Variants in CACNA1D observed in about 807,000 individuals in gnomAD.
CACNA1D encodes voltage-dependent L-type calcium channel subunit alpha-1D.
CACNA1D carries 55 observed loss-of-function variants against 257.1 expected under a neutral mutation model. That is an observed-to-expected ratio of 0.21 (90% CI 0.17 to 0.27). CACNA1D has a LOEUF of 0.27. CACNA1D is among the 10% of genes least tolerant of loss of function. The probability of loss-of-function intolerance (pLI) is 1.00; values close to 1 mark genes in which losing one functional copy is unlikely to be tolerated. For synonymous variants in CACNA1D, 980 were observed against 1,014.9 expected (o/e 0.97, Z 0.65); for missense variants, 1,876 against 2,784.0 (o/e 0.67, Z 7.34).
chr3:53,737,859 G>A (rs921246669), intron 20 of CACNA1D, among the ~76,000 whole-genome samples: 1 of 152,188 alleles, frequency 6.6e-6, no homozygotes, highest in Admixed American at 6.5e-5. Context: ...AGCAAGTCAA[G>A]GGTTTTCTAT....
At chr3:53,537,008 G>A (rs950584008) in intron 3 of CACNA1D, among the ~76,000 whole-genome samples, 1 of 152,138 alleles carries the variant, frequency 6.6e-6, no homozygotes, top group Admixed American at 6.5e-5. Context: ...AGAAAACCAT[G>A]GCTGGTTAGT....
chr3:53,669,361 A>G (rs1167992679), intron 7 of CACNA1D, among the ~76,000 whole-genome samples: 1 of 152,284 alleles, frequency 6.6e-6, no homozygotes, highest in African/African-American at 2.4e-5. Flanking sequence ...TGTACCAGGC[A>G]TATTGCCTCA....
intron 8 of CACNA1D, among the ~76,000 whole-genome samples, chr3:53,698,138 A>T (rs989497261): frequency 2.6e-5 from 4 of 152,258 alleles, no homozygotes; most frequent in African/African-American, 9.6e-5. Flanking sequence ...TAAAAATCAG[A>T]CATTGGAAAT....
At position 53,722,315 on chromosome 3, in the gene CACNA1D, C is replaced by T; in HGVS notation, c.1507C>T (p.Arg503Ter). Reference protein sequence around the residue: ...CQAISKSKLSRRWRRWNRFNR... With the variant: ...CQAISKSKLS ...TAGTAATGTTTGCTTGTCTTTTAGC[C>T]GACGCTGGCGTCGCTGGAACCGATT... Residue 503 changes from arginine (R) to a stop codon, truncating the protein, a stop_gained and splice_region_variant, in exon 12 of 48, where the codon CGA (arginine) becomes TGA (stop). Transcript: ENST00000350061. LOFTEE classifies it high-confidence loss of function. The T allele has an allele frequency of 6.2e-7, 1 of 1,614,068 alleles. No homozygotes were observed.
chr3:53,546,521 A>G (rs1275133724), intron 3 of CACNA1D, among the ~76,000 whole-genome samples: 1 of 152,220 alleles, frequency 6.6e-6, no homozygotes, highest in African/African-American at 2.4e-5. Flanking sequence ...GGTCACAACC[A>G]TAATTTAGCT....
intron 39 of CACNA1D, among the ~76,000 whole-genome samples, chr3:53,785,110 G>A (rs1162585421): frequency 6.6e-6 from 1 of 152,186 alleles, no homozygotes; most frequent in Non-Finnish European, 1.5e-5. Flanking sequence ...TAGAGCCAGA[G>A]CTGATATTCC....
At chr3:53,559,507 T>C (rs1387774324) in intron 3 of CACNA1D, among the ~76,000 whole-genome samples, 1 of 152,210 alleles carries the variant, frequency 6.6e-6, no homozygotes, top group African/African-American at 2.4e-5. Context: ...CTGACCTGAC[T>C]TCTCTGGGCT....
chr3:53,772,879 A>G lies in CACNA1D; in HGVS notation c.4091A>G (p.Tyr1364Cys). ...ALLIAMLFFI[Y>C]AVIGMQMFGK... is the part of the protein sequence containing the mutation. ...CTCATAGCCATGCTGTTCTTCATCT[A>G]TGCGGTCATTGGCATGCAGGTAAGC... Residue 1364 changes from tyrosine to cysteine, a missense_variant, in exon 33 of 48, where the codon TAT (tyrosine) becomes TGT (cysteine). Tyr to Cys is a radical substitution (Grantham distance 194). Around this residue, in one of 10 missense-constraint regions of CACNA1D, gnomAD observed 204 missense variants for 309.4 expected, o/e 0.66. Transcript: ENST00000350061. 6.2e-7 allele frequency: 1 copy of G among 1,613,796 alleles called. No individual in the cohort carries two copies. Among genetic ancestry groups the G allele is most frequent in the Non-Finnish European group, 8.5e-7 (1 of 1,179,934 alleles).
intron 3 of CACNA1D, among the ~76,000 whole-genome samples, chr3:53,643,830 G>A (rs2093990299): frequency 6.6e-6 from 1 of 152,184 alleles, no homozygotes; most frequent in Non-Finnish European, 1.5e-5. Flanking sequence ...TCTTCGCCCT[G>A]AACAGCTTGC....
At chr3:53,545,916 A>G (rs114723759) in intron 3 of CACNA1D, among the ~76,000 whole-genome samples, 624 of 152,208 alleles carry the variant, frequency 4.1e-3, no homozygotes, top group Middle Eastern at 0.01. Flanking sequence ...GCCTTCATGC[A>G]CCCTTCTTAT....
intron 3 of CACNA1D, among the ~76,000 whole-genome samples, chr3:53,530,630 T>C (rs1034460789): frequency 6.6e-6 from 1 of 152,196 alleles, no homozygotes; most frequent in African/African-American, 2.4e-5. Context: ...CCCACTGTTG[T>C]CACCACTTCC....
At chr3:53,735,542 G>T in intron 20 of CACNA1D, 39 bp downstream of exon 20, 1 of 1,610,748 alleles carries the variant, frequency 6.2e-7, no homozygotes, top group Non-Finnish European at 8.5e-7. Context: ...GGATAGCCCT[G>T]GCCTCTCTCG....
chr3:53,572,982 T>C (rs2092974463), intron 3 of CACNA1D, among the ~76,000 whole-genome samples: 1 of 152,256 alleles, frequency 6.6e-6, no homozygotes, highest in Admixed American at 6.5e-5. Flanking sequence ...CATGGCACAC[T>C]GGCCATATCA....
At chr3:53,711,971 C>A (rs2094761971) in intron 9 of CACNA1D, among the ~76,000 whole-genome samples, 1 of 152,104 alleles carries the variant, frequency 6.6e-6, no homozygotes, top group African/African-American at 2.4e-5. Flanking sequence ...TGATGCAGCA[C>A]CTGAAGGTGT....
At chr3:53,512,409 T>C (rs573713769) in intron 3 of CACNA1D, among the ~76,000 whole-genome samples, 23 of 152,312 alleles carry the variant, frequency 1.5e-4, no homozygotes, top group African/African-American at 5.3e-4. Context: ...AGTTAATTGA[T>C]GTTATTAAAG....
At chr3:53,732,630 C>T (rs2095008644) in intron 18 of CACNA1D, among the ~76,000 whole-genome samples, 185 bp from the exon 19 acceptor site, 1 of 152,154 alleles carries the variant, frequency 6.6e-6, no homozygotes. Flanking sequence ...GGGGACACTT[C>T]TCAGCACCCC....
Position 53,495,280 on chromosome 3 carries a change from A to C in CACNA1D, c.67+47A>C. On this transcript the variant is annotated intron_variant, in intron 1 of 47. Coordinates refer to ENST00000350061, the MANE Select transcript of CACNA1D (RefSeq NM_001128840.3). This position sits in a 1 kb window ranked among gnomAD's most constrained non-coding sequence, Gnocchi z 5.1. ...ACCCGCTGCCAAATCCGATCCTGTC[A>C]TGGTCCTCCAGCCCCCTCCCCCTTC... is the stretch of plus-strand genomic sequence containing the variant. The C allele has an allele frequency of 1.2e-6, 2 of 1,610,432 alleles. No individual in the cohort carries two copies. The highest frequency in any genetic ancestry group is 1.7e-6 in the Non-Finnish European group (2 of 1,178,222).
At chr3:53,556,259 T>C (rs1161370075) in intron 3 of CACNA1D, among the ~76,000 whole-genome samples, 9 of 152,220 alleles carry the variant, frequency 5.9e-5, no homozygotes, top group Non-Finnish European at 1.5e-5. Flanking sequence ...TTTGTATGAA[T>C]ATAGATGTTC....
chr3:53,646,332 C>T (rs1166456490), intron 3 of CACNA1D, among the ~76,000 whole-genome samples: 1 of 152,196 alleles, frequency 6.6e-6, no homozygotes, highest in East Asian at 1.9e-4. Context: ...TTATTTCAGG[C>T]TTGTTCTAAA....
Sources: gnomAD v4.1 joint callset for allele counts (sites outside exome capture counted in the v4.1 genomes callset) on GRCh38, gnomAD v4.1.1 for gene constraint, gnomAD v4.1.1 regional missense constraint, Gnocchi (gnomAD v3.1) non-coding constraint, MANE v1.5 for transcripts, NCBI Gene and HGNC (gene_info 2026-07-23, HGNC 2026-07-21) for gene names.